Variants in FAM110B observed in about 807,000 individuals in gnomAD.
The protein encoded by FAM110B is family with sequence similarity 110 member B, also known as protein FAM110B.
FAM110B carries 6 observed loss-of-function variants against 20.4 expected under a neutral mutation model. The ratio of observed to expected loss-of-function variants is 0.29; its 90% confidence interval spans 0.16 to 0.58. FAM110B has a LOEUF of 0.58. Ranked by LOEUF, FAM110B falls within the 20% of genes least tolerant of loss-of-function variation. The probability of loss-of-function intolerance (pLI) is 0.90; values close to 1 mark genes in which losing one functional copy is unlikely to be tolerated. For missense variants in FAM110B, 434 were observed against 498.2 expected (o/e 0.87, Z 1.23); for synonymous variants, 226 against 214.1 (o/e 1.06, Z -0.49).
At chr8:58,059,245 AT>A (rs1249790033) in intron 2 of FAM110B, among the ~76,000 whole-genome samples, 2 of 152,184 alleles carry the variant, frequency 1.3e-5, no homozygotes, top group Non-Finnish European at 2.9e-5. Context: ...TGCTGTAAAT[AT>A]TGTTGAATAA....
At chr8:58,085,956 C>A (rs530881110) in intron 3 of FAM110B, among the ~76,000 whole-genome samples, 2 of 152,180 alleles carry the variant, frequency 1.3e-5, no homozygotes, top group African/African-American at 2.4e-5. Flanking sequence ...TTGTAACTTT[C>A]CAAAATGTTT....
chr8:58,062,800 G>A (rs1805684792), intron 2 of FAM110B, among the ~76,000 whole-genome samples: 1 of 152,044 alleles, frequency 6.6e-6, no homozygotes, highest in Non-Finnish European at 1.5e-5. Context: ...TAAACTTATT[G>A]GCTGCTTTCC....
At chr8:58,058,483 TAAAG>T (rs778066090) in intron 2 of FAM110B, among the ~76,000 whole-genome samples, 1 of 152,134 alleles carries the variant, frequency 6.6e-6, no homozygotes, top group African/African-American at 2.4e-5. Flanking sequence ...GTTGAAAACA[TAAAG>T]AAAGATGTTT....
intron 2 of FAM110B, among the ~76,000 whole-genome samples, chr8:58,060,766 C>T (rs1392084184): frequency 3.3e-5 from 5 of 152,200 alleles, no homozygotes; most frequent in Non-Finnish European, 7.3e-5. Context: ...CTGTCCCCTT[C>T]TCTCAACCTA....
intron 3 of FAM110B, among the ~76,000 whole-genome samples, chr8:58,124,282 T>A (rs1045583888): frequency 2.0e-5 from 3 of 152,202 alleles, no homozygotes; most frequent in African/African-American, 7.2e-5. Flanking sequence ...GCTCTTCACG[T>A]CCCTAATGAC....
At chr8:58,124,891 G>A (rs7011622) in intron 3 of FAM110B, among the ~76,000 whole-genome samples, 15,733 of 152,092 alleles carry the variant, frequency 0.1, 2,741 homozygotes, top group African/African-American at 0.36. Flanking sequence ...TTCTTTTTAC[G>A]TTTGGTAGAC....
intron 3 of FAM110B, among the ~76,000 whole-genome samples, chr8:58,136,003 CTTTTTTTTTTTTTT>C (rs5891669): frequency 1.4e-5 from 1 of 71,492 alleles, no homozygotes; most frequent in African/African-American, 6.5e-5. Context: ...CCAGCAAGTC[CTTTTTTTTTTTTTT>C]TTTTTTTTTT....
intron 3 of FAM110B, among the ~76,000 whole-genome samples, chr8:58,143,137 A>G (rs1803778116): frequency 6.6e-6 from 1 of 152,282 alleles, no homozygotes; most frequent in Non-Finnish European, 1.5e-5. Flanking sequence ...AGAGTTAAGG[A>G]TTAAGTAAAT....
At chr8:58,043,553 C>T (rs895134930) in intron 2 of FAM110B, among the ~76,000 whole-genome samples, 15 of 151,952 alleles carry the variant, frequency 9.9e-5, no homozygotes, top group Admixed American at 6.5e-4. Flanking sequence ...TAAACATGTG[C>T]CATATTGGTA....
At chr8:58,027,391 A>C (rs2150571620) in intron 1 of FAM110B, among the ~76,000 whole-genome samples, 1 of 151,982 alleles carries the variant, frequency 6.6e-6, no homozygotes, top group South Asian at 2.1e-4. Flanking sequence ...TGATTGAGGA[A>C]GTTCGTGAAT....
intron 3 of FAM110B, among the ~76,000 whole-genome samples, chr8:58,102,265 AAC>A (rs1298521104): frequency 2.6e-5 from 4 of 152,210 alleles, no homozygotes; most frequent in African/African-American, 7.2e-5. Flanking sequence ...TGGAAAAGCT[AAC>A]ACAGAGCGGC....
intron 3 of FAM110B, among the ~76,000 whole-genome samples, chr8:58,089,775 T>A (rs1806429077): frequency 6.6e-6 from 1 of 152,244 alleles, no homozygotes; most frequent in Non-Finnish European, 1.5e-5. Flanking sequence ...CAGGAGATCA[T>A]GTTTTAGAAG....
chr8:58,134,242 T>G (rs1188822322), intron 3 of FAM110B, among the ~76,000 whole-genome samples: 1 of 152,198 alleles, frequency 6.6e-6, no homozygotes, highest in East Asian at 1.9e-4. Context: ...ACAAATGAGA[T>G]CAACAATATT....
intron 1 of FAM110B, among the ~76,000 whole-genome samples, chr8:58,024,393 A>G (rs907345288): frequency 2.6e-5 from 4 of 152,068 alleles, no homozygotes; most frequent in Non-Finnish European, 5.9e-5. Context: ...GAAAAGGAAA[A>G]TTTTCCAATT....
intron 3 of FAM110B, among the ~76,000 whole-genome samples, chr8:58,107,347 T>G (rs1358778680): frequency 1.3e-5 from 2 of 152,194 alleles, no homozygotes; most frequent in African/African-American, 4.8e-5. Flanking sequence ...TTTGTTGTTG[T>G]TGTTGTCCTT....
At chr8:58,145,107 C>T (rs535521862) in intron 3 of FAM110B, among the ~76,000 whole-genome samples, 1 of 152,156 alleles carries the variant, frequency 6.6e-6, no homozygotes, top group Admixed American at 6.5e-5. Flanking sequence ...GATTTCTGCT[C>T]ATTAAGTATG....
intron 3 of FAM110B, among the ~76,000 whole-genome samples, chr8:58,095,345 A>T (rs1298314887): frequency 6.6e-6 from 1 of 152,180 alleles, no homozygotes; most frequent in Non-Finnish European, 1.5e-5. Flanking sequence ...TGTCGATTTT[A>T]GATCTTTCCT....
intron 2 of FAM110B, among the ~76,000 whole-genome samples, chr8:58,064,524 TC>T (rs1316930849): frequency 6.6e-6 from 1 of 152,208 alleles, no homozygotes; most frequent in Non-Finnish European, 1.5e-5. Flanking sequence ...TGGGTTGTGC[TC>T]AGGGCATGAG....
intron 2 of FAM110B, among the ~76,000 whole-genome samples, chr8:58,075,114 T>C (rs779837882): frequency 1.2e-4 from 19 of 152,138 alleles, no homozygotes; most frequent in Non-Finnish European, 1.6e-4. Context: ...TTTCTATTTT[T>C]ATTATTTTTG....
Sources: allele counts gnomAD v4.1 joint callset (sites outside exome capture counted in the v4.1 genomes callset), GRCh38; gene constraint gnomAD v4.1.1; transcripts MANE v1.5; gene names NCBI Gene and HGNC (gene_info 2026-07-23, HGNC 2026-07-21).